Variants in LRP1B observed in about 807,000 individuals in gnomAD.
The protein encoded by LRP1B is LDL receptor related protein 1B.
Under a neutral mutation model 556.6 loss-of-function variants are expected in LRP1B, and 217 were observed. That is an observed-to-expected ratio of 0.39 (90% CI 0.35 to 0.44). The LOEUF (loss-of-function observed/expected upper bound fraction) is 0.44. LRP1B is among the 20% of genes least tolerant of loss of function. The pLI, the probability that LRP1B is intolerant of heterozygous loss-of-function variation, is 1.00. For synonymous variants in LRP1B, 2,047 were observed against 1,865.8 expected (o/e 1.10, Z -2.50); for missense variants, 5,053 against 5,620.8 (o/e 0.90, Z 3.23).
intron 66 of LRP1B, among the ~76,000 whole-genome samples, chr2:140,413,219 G>T (rs1475951803): frequency 6.6e-6 from 1 of 151,992 alleles, no homozygotes; most frequent in African/African-American, 2.4e-5. Context: ...TAAAATATTG[G>T]ATTGCTATCC....
intron 66 of LRP1B, among the ~76,000 whole-genome samples, chr2:140,400,067 G>A (rs1043204994): frequency 1.3e-5 from 2 of 152,134 alleles, no homozygotes; most frequent in Non-Finnish European, 2.9e-5. Flanking sequence ...GATGGCCTTA[G>A]GTTCTTGAAC....
At chr2:142,031,329 T>A (rs1703687405) in intron 1 of LRP1B, among the ~76,000 whole-genome samples, 1 of 87,930 alleles carries the variant, frequency 1.1e-5, no homozygotes, top group African/African-American at 3.9e-5. Context: ...TGATTATACT[T>A]ATTTTTTTTT....
At chr2:140,879,492 C>A (rs1693407701) in intron 25 of LRP1B, among the ~76,000 whole-genome samples, 1 of 152,060 alleles carries the variant, frequency 6.6e-6, no homozygotes, top group African/African-American at 2.4e-5. Flanking sequence ...TTATAAATAA[C>A]ATGTTATAGA....
In LRP1B at chr2:140,334,465, G is replaced by A. The variant is rs2105083124; in HGVS notation, c.12211C>T (p.Gln4071Ter). The A allele has an allele frequency of 6.2e-7, 1 of 1,606,154 alleles. No homozygotes were observed. The highest frequency in any genetic ancestry group is 8.5e-7 in the Non-Finnish European group (1 of 1,173,540). ...TCAGAAATCATACCTGTGGGTCTCT[G>A]TAAGTTCTTTTGTACTAAAATCCTT... ...LRRILVQKNL[Q>*]RPTGLAVDYF... The change falls in exon 79 of 91, where the codon CAG (glutamine) becomes TAG (stop). Residue 4071 changes from glutamine (Q) to a stop codon, truncating the protein, a stop_gained. Transcript: ENST00000389484. LOFTEE classifies it high-confidence loss of function.
At chr2:141,242,996 A>C (rs1683935288) in intron 5 of LRP1B, among the ~76,000 whole-genome samples, 1 of 152,176 alleles carries the variant, frequency 6.6e-6, no homozygotes, top group South Asian at 2.1e-4. Context: ...AATCAATTAA[A>C]AGAAAGTCAA....
intron 1 of LRP1B, among the ~76,000 whole-genome samples, chr2:142,003,186 T>C (rs1702706929): frequency 6.6e-6 from 1 of 152,252 alleles, no homozygotes; most frequent in Non-Finnish European, 1.5e-5. Flanking sequence ...CGTGATTCCA[T>C]AAAAATTTAC....
chr2:141,243,117 T>C (rs1254268335), intron 5 of LRP1B, among the ~76,000 whole-genome samples: 1 of 148,258 alleles, frequency 6.7e-6, no homozygotes, highest in Non-Finnish European at 1.5e-5. Flanking sequence ...TACATGGTTA[T>C]TTTTTATTTT....
intron 1 of LRP1B, among the ~76,000 whole-genome samples, chr2:142,033,137 T>C (rs1311359658): frequency 6.6e-6 from 1 of 151,842 alleles, no homozygotes; most frequent in African/African-American, 2.4e-5. Context: ...TGAGAATCAC[T>C]AGCATCTCCA....
chr2:140,660,128 C>A (rs536124935), intron 41 of LRP1B, among the ~76,000 whole-genome samples: 2 of 150,314 alleles, frequency 1.3e-5, no homozygotes, highest in African/African-American at 4.9e-5. Flanking sequence ...CACTAATGTC[C>A]CACTCCTTCC....
At chr2:141,795,860 ATATATATATATATATATAT>A (rs1695788694) in intron 2 of LRP1B, among the ~76,000 whole-genome samples, 14 of 69,344 alleles carry the variant, frequency 2.0e-4, no homozygotes, top group African/African-American at 3.7e-4. Context: ...CAGGAGCAAT[ATATATATATATATATATAT>A]ATATATATAT....
chr2:141,896,295 T>A (rs139070279), intron 1 of LRP1B, among the ~76,000 whole-genome samples: 4 of 152,150 alleles, frequency 2.6e-5, no homozygotes, highest in African/African-American at 9.7e-5. Context: ...AAAACTAGGA[T>A]TAATTTTAAC....
chr2:141,317,949 C>T (rs1480236543), intron 3 of LRP1B, among the ~76,000 whole-genome samples: 1 of 152,058 alleles, frequency 6.6e-6, no homozygotes, highest in African/African-American at 2.4e-5. Context: ...GAGTCTTGAA[C>T]TGCTAAAAAT....
At chr2:142,079,741 C>T (rs1474708798) in intron 1 of LRP1B, among the ~76,000 whole-genome samples, 1 of 152,116 alleles carries the variant, frequency 6.6e-6, no homozygotes, top group Non-Finnish European at 1.5e-5. Context: ...AAGTCCTGAC[C>T]TCAGGTAATC....
chr2:141,078,289 TATCTG>T (rs1214084850), intron 7 of LRP1B, among the ~76,000 whole-genome samples: 1 of 139,490 alleles, frequency 7.2e-6, no homozygotes, highest in Non-Finnish European at 1.5e-5. Flanking sequence ...CAGTTTAGAA[TATCTG>T]TCCAGTTCAT....
chr2:141,773,007 A>C (rs569894027), intron 2 of LRP1B, among the ~76,000 whole-genome samples: 3 of 152,320 alleles, frequency 2.0e-5, no homozygotes. Context: ...CTATTGATAT[A>C]CAAACTCTAA....
intron 41 of LRP1B, among the ~76,000 whole-genome samples, chr2:140,636,696 G>A (rs1360597547): frequency 4.6e-5 from 7 of 152,076 alleles, no homozygotes; most frequent in Admixed American, 4.6e-4. Flanking sequence ...ACTGGGAATA[G>A]CATTGAATAT....
chr2:142,077,931 T>A (rs1403387046), intron 1 of LRP1B, among the ~76,000 whole-genome samples: 1 of 152,132 alleles, frequency 6.6e-6, no homozygotes, highest in African/African-American at 2.4e-5. Flanking sequence ...TTAAATAACA[T>A]AATTATCTAC....
chr2:140,855,557 C>T (rs963750913), intron 27 of LRP1B, among the ~76,000 whole-genome samples: 10 of 149,804 alleles, frequency 6.7e-5, no homozygotes, highest in African/African-American at 2.5e-4. Flanking sequence ...TTATCTCCTA[C>T]TATTAATGTT....
intron 35 of LRP1B, among the ~76,000 whole-genome samples, chr2:140,744,035 C>G (rs1014030049): frequency 3.7e-5 from 5 of 134,922 alleles, no homozygotes; most frequent in African/African-American, 5.6e-5. Flanking sequence ...CAGTGGTTAT[C>G]AGTGGGTGAG....
Sources: gnomAD v4.1 joint callset for allele counts (sites outside exome capture counted in the v4.1 genomes callset) on GRCh38, gnomAD v4.1.1 for gene constraint, MANE v1.5 for transcripts, NCBI Gene and HGNC (gene_info 2026-07-23, HGNC 2026-07-21) for gene names.